KDM4C: variants seen among roughly 807,000 people sequenced by gnomAD.
KDM4C encodes lysine-specific demethylase 4C.
KDM4C carries 81 observed loss-of-function variants against 129.3 expected under a neutral mutation model. That is an observed-to-expected ratio of 0.63 (90% CI 0.52 to 0.75). The LOEUF (loss-of-function observed/expected upper bound fraction) is 0.75. Among genes scored for constraint, KDM4C ranks in the 30% least tolerant of loss-of-function variants. The pLI, the probability that KDM4C is intolerant of heterozygous loss-of-function variation, is 0.00. For missense variants in KDM4C, 1,457 were observed against 1,304.0 expected, an observed-to-expected ratio of 1.12 and a Z score of -1.81; for synonymous variants, 573 against 456.1, an observed-to-expected ratio of 1.26 and a Z score of -3.26.
At chr9:6,907,182 A>G (rs1045767539) in intron 8 of KDM4C, among the ~76,000 whole-genome samples, 1 of 152,238 alleles carries the variant, frequency 6.6e-6, no homozygotes, top group African/African-American at 2.4e-5. Flanking sequence ...GTTATGTGAC[A>G]AAGAGTAGTT....
At chr9:6,866,491 C>T (rs1351197092) in intron 5 of KDM4C, among the ~76,000 whole-genome samples, 1 of 152,148 alleles carries the variant, frequency 6.6e-6, no homozygotes, top group Non-Finnish European at 1.5e-5. Context: ...TGCTGAGCTG[C>T]CACTCTGATT....
chr9:7,118,926 A>G (rs1839205847), intron 18 of KDM4C, among the ~76,000 whole-genome samples: 1 of 152,150 alleles, frequency 6.6e-6, no homozygotes, highest in African/African-American at 2.4e-5. Flanking sequence ...GAGACTACCT[A>G]TACGGCCAAA....
At chr9:6,847,408 T>G (rs906118712) in intron 4 of KDM4C, among the ~76,000 whole-genome samples, 23 of 151,718 alleles carry the variant, frequency 1.5e-4, no homozygotes, top group Non-Finnish European at 2.5e-4. Context: ...CTTTTTTTGT[T>G]TTTTTTTTGA....
chr9:6,744,220 TCTC>T (rs955637173), intron 1 of KDM4C, among the ~76,000 whole-genome samples: 4 of 152,056 alleles, frequency 2.6e-5, no homozygotes, highest in African/African-American at 4.8e-5. Flanking sequence ...TCACATGTGA[TCTC>T]CTTAAAAAAC....
intron 8 of KDM4C, among the ~76,000 whole-genome samples, chr9:6,950,258 A>G (rs1827895364): frequency 6.6e-6 from 1 of 152,148 alleles, no homozygotes; most frequent in East Asian, 1.9e-4. Flanking sequence ...GATGTGAACT[A>G]TTCTTTCTAT....
At chr9:6,950,235 C>T (rs774693670) in intron 8 of KDM4C, among the ~76,000 whole-genome samples, 4 of 151,966 alleles carry the variant, frequency 2.6e-5, no homozygotes, top group Non-Finnish European at 4.4e-5. Context: ...TTCTCCTTTC[C>T]AGAGGTTTTA....
chr9:6,769,628 T>A (rs762584480), intron 1 of KDM4C, among the ~76,000 whole-genome samples: 8 of 151,598 alleles, frequency 5.3e-5, no homozygotes, highest in East Asian at 1.9e-4. Context: ...GACTTTTTTT[T>A]ATAAGAAGGT....
In KDM4C at chr9:6,758,795, G is replaced by A. The variant is rs539212770; in HGVS notation, c.-18+592G>A. On this transcript the variant is annotated intron_variant, in intron 1 of 21. Transcript: ENST00000381309. This position sits in a 1 kb window ranked among gnomAD's most constrained non-coding sequence, Gnocchi z 4.6. ...GGAGGAACCATGATGCGGTGTAGACGGCGGGTGCTTAAATAAATGCGAGTT... is the reference window on the plus strand; with the variant it reads ...GGAGGAACCATGATGCGGTGTAGACAGCGGGTGCTTAAATAAATGCGAGTT... Among the ~76,000 whole-genome samples the A allele has an allele frequency of 6.6e-6, 1 of 152,196 alleles. No individual in the cohort carries two copies. Among genetic ancestry groups the A allele is most frequent in the East Asian group, 1.9e-4 (1 of 5,170 alleles).
intron 10 of KDM4C, among the ~76,000 whole-genome samples, chr9:6,985,063 C>G (rs1817452887): frequency 6.6e-6 from 1 of 152,296 alleles, no homozygotes; most frequent in South Asian, 2.1e-4. Flanking sequence ...TGGGATTCCC[C>G]CCTCCGCCAG....
chr9:6,860,034 T>C (rs1012062708), intron 5 of KDM4C, among the ~76,000 whole-genome samples: 2 of 152,140 alleles, frequency 1.3e-5, no homozygotes, highest in African/African-American at 4.8e-5. Context: ...CCTCCCTGTG[T>C]TTCTTTTTAC....
chr9:7,101,051 C>T (rs187586231), intron 17 of KDM4C, among the ~76,000 whole-genome samples: 81 of 152,128 alleles, frequency 5.3e-4, no homozygotes, highest in African/African-American at 1.9e-3. Flanking sequence ...TATATAGTTA[C>T]GTAGGGGTTG....
intron 17 of KDM4C, among the ~76,000 whole-genome samples, chr9:7,096,591 C>T (rs1431852365): frequency 3.9e-5 from 6 of 152,186 alleles, no homozygotes; most frequent in Non-Finnish European, 8.8e-5. Context: ...ATATTCCCTA[C>T]CTGGGAGACT....
intron 17 of KDM4C, among the ~76,000 whole-genome samples, chr9:7,070,317 A>G (rs1476623879): frequency 6.6e-6 from 1 of 152,210 alleles, no homozygotes; most frequent in Non-Finnish European, 1.5e-5. Flanking sequence ...ATGTTAAAGG[A>G]AGAAATTATA....
intron 8 of KDM4C, among the ~76,000 whole-genome samples, chr9:6,968,517 A>G (rs1831398667): frequency 6.6e-6 from 1 of 152,192 alleles, no homozygotes; most frequent in African/African-American, 2.4e-5. Context: ...GCTGTGGTTA[A>G]ACAATAATTA....
At chr9:7,083,144 A>G (rs1379323781) in intron 17 of KDM4C, among the ~76,000 whole-genome samples, 1 of 152,236 alleles carries the variant, frequency 6.6e-6, no homozygotes, top group Admixed American at 6.5e-5. Flanking sequence ...ACATAGACCC[A>G]TATACACATT....
chr9:6,733,896 C>T (rs1328070796), intron 1 of KDM4C, among the ~76,000 whole-genome samples: 4 of 152,114 alleles, frequency 2.6e-5, no homozygotes, highest in South Asian at 2.1e-4. Context: ...ACTGTCATGG[C>T]GCTGCTGAGA....
intron 8 of KDM4C, among the ~76,000 whole-genome samples, chr9:6,938,561 G>A (rs942597391): frequency 9.2e-5 from 14 of 152,088 alleles, no homozygotes; most frequent in South Asian, 2.1e-4. Flanking sequence ...CTTTTTAGTC[G>A]GTGAAGCCAT....
intron 1 of KDM4C, among the ~76,000 whole-genome samples, chr9:6,752,226 G>A (rs1430740617): frequency 5.4e-5 from 8 of 148,426 alleles, no homozygotes; most frequent in Admixed American, 2.7e-4. Context: ...CCAGCTACAC[G>A]GGAGGCTGAG....
At chr9:6,837,165 G>C (rs558777145) in intron 4 of KDM4C, among the ~76,000 whole-genome samples, 1 of 151,988 alleles carries the variant, frequency 6.6e-6, no homozygotes, top group Non-Finnish European at 1.5e-5. Context: ...TCAAGTGATC[G>C]TCCCACCTCA....
Sources: allele counts gnomAD v4.1 joint callset (sites outside exome capture counted in the v4.1 genomes callset), GRCh38; gene constraint gnomAD v4.1.1; non-coding constraint Gnocchi (gnomAD v3.1); transcripts MANE v1.5; gene names NCBI Gene and HGNC (gene_info 2026-07-23, HGNC 2026-07-21).